The following TACR3 variants were observed in gnomAD, a reference collection of about 807,000 sequenced individuals.
The protein encoded by TACR3 is neuromedin-K receptor.
A neutral mutation model predicts 35.0 loss-of-function variants in TACR3; 34 were observed. The ratio of observed to expected loss-of-function variants is 0.97; its 90% CI spans 0.74 to 1.30. TACR3 has a LOEUF of 1.30. Ranked by LOEUF, TACR3 falls within the 50% of genes most tolerant of loss-of-function variation. The pLI is 0.00. For missense variants in TACR3, 558 were observed against 591.7 expected, an observed-to-expected ratio of 0.94 and a Z score of 0.59; for synonymous variants, 233 against 221.1, an observed-to-expected ratio of 1.05 and a Z score of -0.48.
At chr4:103,605,824 T>A (rs1461700693) in intron 3 of TACR3, among the ~76,000 whole-genome samples, 2 of 152,116 alleles carry the variant, frequency 1.3e-5, no homozygotes, top group Non-Finnish European at 2.9e-5. Flanking sequence ...AGCTCTTTAG[T>A]TTAATTAGAT....
At chr4:103,621,125 G>A (rs1437530035) in intron 3 of TACR3, among the ~76,000 whole-genome samples, 4 of 152,206 alleles carry the variant, frequency 2.6e-5, no homozygotes, top group African/African-American at 9.6e-5. Context: ...GAAGCTCAAT[G>A]TGAAACACTG....
chr4:103,698,485 T>C (rs1013558011), intron 1 of TACR3, among the ~76,000 whole-genome samples: 1 of 152,106 alleles, frequency 6.6e-6, no homozygotes, highest in Non-Finnish European at 1.5e-5. Context: ...AGAGTATTTA[T>C]ATGATTTTTA....
At chr4:103,631,001 A>C (rs1308924286) in intron 3 of TACR3, among the ~76,000 whole-genome samples, 1 of 152,206 alleles carries the variant, frequency 6.6e-6, no homozygotes, top group Admixed American at 6.5e-5. Context: ...ATGCAGCCAT[A>C]AAAAGATGAG....
At chr4:103,606,437 T>C (rs2110294606) in intron 3 of TACR3, among the ~76,000 whole-genome samples, 1 of 152,330 alleles carries the variant, frequency 6.6e-6, no homozygotes, top group East Asian at 1.9e-4. Flanking sequence ...TTTCACAATA[T>C]TGATTCTTCC....
intron 2 of TACR3, among the ~76,000 whole-genome samples, chr4:103,657,245 T>C (rs114669684): frequency 0.015 from 2,264 of 152,164 alleles, 58 homozygotes; most frequent in African/African-American, 0.052. Flanking sequence ...TTGTTTTTTG[T>C]AAAGTGAATC....
chr4:103,629,689 T>C (rs1482620432), intron 3 of TACR3, among the ~76,000 whole-genome samples: 3 of 151,720 alleles, frequency 2.0e-5, no homozygotes, highest in Non-Finnish European at 2.9e-5. Context: ...TAGGAAGAAT[T>C]AATATCGTGA....
intron 3 of TACR3, among the ~76,000 whole-genome samples, chr4:103,637,848 A>C (rs1340083588): frequency 6.6e-6 from 1 of 152,184 alleles, no homozygotes. Flanking sequence ...ATTGCTACAA[A>C]GAGAATAAAA....
At chr4:103,699,160 T>G (rs1299118228) in intron 1 of TACR3, among the ~76,000 whole-genome samples, 1 of 152,192 alleles carries the variant, frequency 6.6e-6, no homozygotes, top group Non-Finnish European at 1.5e-5. Context: ...ATGGTCCAAT[T>G]ACATAGTATT....
chr4:103,658,779 T>G (rs1268131912), intron 1 of TACR3, among the ~76,000 whole-genome samples: 4 of 152,142 alleles, frequency 2.6e-5, no homozygotes, highest in Non-Finnish European at 5.9e-5. Context: ...TTCCATGGAC[T>G]GGCAGTGGGT....
chr4:103,634,342 C>T (rs921266966), intron 3 of TACR3, among the ~76,000 whole-genome samples: 2 of 151,958 alleles, frequency 1.3e-5, no homozygotes, highest in Non-Finnish European at 2.9e-5. Context: ...TTTCTCTTCT[C>T]GTCTGACTTG....
At chr4:103,705,647 T>C (rs78342647) in intron 1 of TACR3, among the ~76,000 whole-genome samples, 5,786 of 152,250 alleles carry the variant, frequency 0.038, 126 homozygotes, top group Non-Finnish European at 0.05. Context: ...GGGAGCATCA[T>C]GGAAAGTGTC....
intron 3 of TACR3, among the ~76,000 whole-genome samples, chr4:103,634,847 A>C (rs1326128309): frequency 6.6e-6 from 1 of 151,904 alleles, no homozygotes; most frequent in Non-Finnish European, 1.5e-5. Flanking sequence ...TTTCCATTTC[A>C]CCTTTAGTTT....
At position 103,719,381 on chromosome 4, in the gene TACR3, C is replaced by T. The variant is rs1723159029; in HGVS notation, c.295G>A (p.Ala99Thr). The T allele has an allele frequency of 1.9e-6, 3 of 1,614,106 alleles. No individual in the cohort carries two copies. Among genetic ancestry groups the T allele is most frequent in the Non-Finnish European group, 2.5e-6 (3 of 1,180,050 alleles). ...SLAYGVVVAVAVLGNLIVIWI... is the reference protein window; with the variant it reads ...SLAYGVVVAVTVLGNLIVIWI... Reference sequence around the variant, plus strand: ...ATGACGATGAGATTTCCCAAAACTGCCACTGCCACCACCACACCATACGCC... The same window carrying T: ...ATGACGATGAGATTTCCCAAAACTGTCACTGCCACCACCACACCATACGCC... The change falls in exon 1 of 5, where the codon GCA becomes ACA. Residue 99 changes from alanine to threonine, a missense_variant. Physicochemically the swap from Ala to Thr is moderately conservative, Grantham distance 58. Transcript: ENST00000304883.
At chr4:103,591,113 C>A (rs941603373) in intron 4 of TACR3, 1 of 267,048 alleles carries the variant, frequency 3.7e-6, no homozygotes, top group African/African-American at 2.3e-5. Flanking sequence ...AGAAATTATT[C>A]AAGAATTTCT....
intron 3 of TACR3, among the ~76,000 whole-genome samples, chr4:103,633,017 A>C (rs917378209): frequency 6.0e-5 from 9 of 149,522 alleles, no homozygotes; most frequent in African/African-American, 1.7e-4. Flanking sequence ...TAGTATGATG[A>C]TATTATTATA....
At chr4:103,629,847 AAAC>A (rs1431066656) in intron 3 of TACR3, among the ~76,000 whole-genome samples, 17 of 113,458 alleles carry the variant, frequency 1.5e-4, no homozygotes, top group South Asian at 2.7e-4. Context: ...ATCCTAAGCA[AAAC>A]AAAAAAAAAA....
At chr4:103,678,388 CTATT>C (rs367954645) in intron 1 of TACR3, among the ~76,000 whole-genome samples, 112 of 152,186 alleles carry the variant, frequency 7.4e-4, no homozygotes, top group African/African-American at 2.6e-3. Context: ...ATGGAAATAT[CTATT>C]TAGTTGTGCA....
At chr4:103,704,847 G>T (rs1047604667) in intron 1 of TACR3, among the ~76,000 whole-genome samples, 1 of 152,012 alleles carries the variant, frequency 6.6e-6, no homozygotes, top group Non-Finnish European at 1.5e-5. Flanking sequence ...AGCAAGAAAT[G>T]GTTTATAAGT....
intron 3 of TACR3, among the ~76,000 whole-genome samples, chr4:103,598,930 G>C (rs1181002975): frequency 6.6e-6 from 1 of 151,966 alleles, no homozygotes; most frequent in Admixed American, 6.6e-5. Context: ...CTGACTTGGT[G>C]ATGCAGGCTC....
Sources: allele counts gnomAD v4.1 joint callset (sites outside exome capture counted in the v4.1 genomes callset), GRCh38; gene constraint gnomAD v4.1.1; transcripts MANE v1.5; gene names NCBI Gene and HGNC (gene_info 2026-07-23, HGNC 2026-07-21).